The following CHD5 variants were observed in gnomAD, a reference collection of about 807,000 sequenced individuals.
CHD5 encodes chromodomain helicase DNA binding protein 5, also known as ATP-dependent chromatin remodeler CHD5.
CHD5 carries 69 observed loss-of-function variants against 230.3 expected under a neutral mutation model. That is an observed-to-expected ratio of 0.30 (90% confidence interval 0.25 to 0.37). The LOEUF is 0.37. Among genes scored for constraint, CHD5 ranks in the 10% least tolerant of loss-of-function variants. The pLI is 1.00. For missense variants in CHD5, 1,827 were observed against 2,622.8 expected (o/e 0.70, Z 6.63); for synonymous variants, 1,064 against 1,065.9 (o/e 1.00, Z 0.03).
rs954250027 is a variant in CHD5, at chr1:6,110,276, A to T, written c.5382+118T>A. 2.5e-6 allele frequency: 3 copies of T among 1,188,988 alleles called. No homozygotes were observed. In the African/African-American group the frequency reaches 4.5e-5, roughly 18 times the overall value. 73.7% of individuals were successfully genotyped at this position (1,188,988 alleles called of 1,614,324 possible). ...GATGGACATACTGCTGCTTCGTGGC[A>T]GCGTGACCCAGGTACACGGGGAGGG... On this transcript the variant is annotated intron_variant, in intron 37 of 41. Coordinates refer to ENST00000262450, the MANE Select transcript of CHD5 (RefSeq NM_015557.3).
rs762034562 is a variant in CHD5 at position 6,154,509 on chromosome 1, G to A, written c.745+151C>T. 8 of 598,780 alleles carry A rather than the reference G, an allele frequency of 1.3e-5. No individual in the cohort carries two copies. The highest frequency in any genetic ancestry group is 3.5e-5 in the South Asian group (1 of 28,280). The allele number at this position is 598,780 out of a possible 1,614,324, so 37.1% of individuals were successfully genotyped here. A position where few individuals can be genotyped will look rare whatever the true frequency, so the allele number is the denominator to read the frequency against. On this transcript the variant is annotated intron_variant, in intron 5 of 41. Transcript: ENST00000262450. This position sits in a 1 kb window ranked among gnomAD's most constrained non-coding sequence, Gnocchi z 7.0. ...GCTGCCTCACTGCTGAGAAAGGACCGGGCAATCCAAGGTCACACAGGCACA... is the reference window on the plus strand; with the variant it reads ...GCTGCCTCACTGCTGAGAAAGGACCAGGCAATCCAAGGTCACACAGGCACA...
intron 1 of CHD5, among the ~76,000 whole-genome samples, chr1:6,174,434 T>C (rs1167895042): frequency 1.3e-5 from 2 of 151,674 alleles, no homozygotes; most frequent in Admixed American, 1.3e-4. Flanking sequence ...GCATGGTGGA[T>C]GGATGGTGAA....
intron 38 of CHD5, among the ~76,000 whole-genome samples, chr1:6,107,672 A>G (rs1666211050): frequency 7.8e-6 from 1 of 128,170 alleles, no homozygotes; most frequent in Admixed American, 8.1e-5. Context: ...TGAAGGGATG[A>G]TGGAGGGATA....
rs146316835 is a variant in CHD5, at chr1:6,130,237, G to A, written c.3354C>T (p.Tyr1118=). 57 of 1,614,082 alleles carry A rather than the reference G, an allele frequency of 3.5e-5. No homozygotes were observed. Among genetic ancestry groups the A allele is most frequent in the African/African-American group, 2.0e-4 (15 of 75,038 alleles). The part of the protein sequence containing the change: ...NLATADTVII[Y]DSDWNPHNDI... Reference sequence around the variant, plus strand: ...CATTGTGCGGGTTCCAGTCCGAGTCGTAGATGATGACAGTGTCCGCCGTGG... The same window carrying A: ...CATTGTGCGGGTTCCAGTCCGAGTCATAGATGATGACAGTGTCCGCCGTGG... The change falls in exon 22 of 42, where the codon TAC becomes TAT. Residue 1118 remains tyrosine, a synonymous_variant. Transcript: ENST00000262450. This position sits in a 1 kb window ranked among gnomAD's most constrained non-coding sequence, Gnocchi z 4.9.
rs936800446 is a variant in CHD5 at position 6,146,579 on chromosome 1, C to T, written c.1590+86G>A. 20 of 1,455,214 alleles carry T rather than the reference C, an allele frequency of 1.4e-5. No individual in the cohort carries two copies. The highest frequency in any genetic ancestry group is 8.4e-5 in the African/African-American group (6 of 71,414). The allele number at this position is 1,455,214 out of a possible 1,614,324, so 90.1% of individuals were successfully genotyped here. On this transcript the variant is annotated intron_variant, in intron 10 of 41. Transcript: ENST00000262450. The surrounding 1 kb of genome is among the most constrained non-coding windows in gnomAD (Gnocchi z 5.1). ...CCCAACAGCACCCCTCAGTCAGAGG[C>T]GCTTCAGCCCCTTCCCGCCAGCCCA...
At chr1:6,106,807 G>T in intron 38 of CHD5, 28 bp from the exon 39 acceptor site, 1 of 1,425,610 alleles carries the variant, frequency 7.0e-7, no homozygotes, top group Non-Finnish European at 9.4e-7. Flanking sequence ...GGGATGGTAG[G>T]ATGCAGGGAT....
In CHD5 at chr1:6,136,713, G is replaced by A. The variant is rs777693875; in HGVS notation, c.2574+15C>T. The A allele has an allele frequency of 6.2e-7, 1 of 1,610,386 alleles. No individual in the cohort carries two copies. The highest frequency in any genetic ancestry group is 1.1e-5 in the South Asian group (1 of 90,924). ...CCCCGGGAAGCTCTGGGGTCTGGCGGCCAGCGCCACCTACCTTGGACTGGT... is the reference window on the plus strand; with the variant it reads ...CCCCGGGAAGCTCTGGGGTCTGGCGACCAGCGCCACCTACCTTGGACTGGT... On this transcript the variant is annotated intron_variant, in intron 16 of 41. Coordinates refer to ENST00000262450, the MANE Select transcript of CHD5 (RefSeq NM_015557.3).
At chr1:6,166,278 G>A (rs1464215022) in intron 2 of CHD5, among the ~76,000 whole-genome samples, 4 of 146,198 alleles carry the variant, frequency 2.7e-5, no homozygotes, top group Admixed American at 2.7e-4. Flanking sequence ...GGTGGGGGTC[G>A]GGGGCAGGGG....
At chr1:6,113,157 G>A (rs1184814792) in intron 33 of CHD5, among the ~76,000 whole-genome samples, 159 bp from the exon 34 acceptor site, 1 of 152,234 alleles carries the variant, frequency 6.6e-6, no homozygotes, top group Non-Finnish European at 1.5e-5. Context: ...AGGTGCAGTG[G>A]CCCATGCTGT....
rs1666874209 is a variant in CHD5 at position 6,144,134 on chromosome 1, C to T, written c.1824G>A (p.Val608=). ...LNHSFDKKGD[V]HYLIKWKDLP... Reference sequence around the variant, plus strand: ...GGTCTTTCCACTTGATCAGGTAGTGCACATCCCCCTTCTTGTCAAAGCTGC... The same window carrying T: ...GGTCTTTCCACTTGATCAGGTAGTGTACATCCCCCTTCTTGTCAAAGCTGC... The change falls in exon 12 of 42, where the codon GTG becomes GTA. Residue 608 remains valine (V), a synonymous_variant. Coordinates refer to ENST00000262450, the MANE Select transcript of CHD5 (RefSeq NM_015557.3). 13 of 1,614,202 alleles carry T rather than the reference C, an allele frequency of 8.1e-6. No homozygotes were observed. The highest frequency in any genetic ancestry group is 1.1e-5 in the Non-Finnish European group (13 of 1,180,036).
At chr1:6,120,745 A>G (rs1309597300) in intron 33 of CHD5, among the ~76,000 whole-genome samples, 1 of 152,142 alleles carries the variant, frequency 6.6e-6, no homozygotes, top group African/African-American at 2.4e-5. Context: ...TCTACTAAAA[A>G]TACAAAAATT....
intron 38 of CHD5, among the ~76,000 whole-genome samples, chr1:6,109,273 T>C (rs1052865440): frequency 1.3e-5 from 2 of 151,586 alleles, no homozygotes; most frequent in African/African-American, 2.4e-5. Flanking sequence ...CAGGGAGGGG[T>C]CCAGCAACTC....
rs117122185 is a variant in CHD5 at position 6,109,770 on chromosome 1, A to G, written c.5578+25T>C. The stretch of plus-strand genomic sequence containing the variant: ...GGCAGGAGGAAGGGCGGGGGGCTGC[A>G]CCGTGGGGGGCAGGACTTGCTCACC... On this transcript the variant is annotated intron_variant, in intron 38 of 41. Coordinates refer to ENST00000262450, the MANE Select transcript of CHD5 (RefSeq NM_015557.3). 1,233 of 1,600,260 alleles carry G rather than the reference A, an allele frequency of 7.7e-4. 10 individuals carry two copies. The East Asian group carries it at 0.023, about 30-fold the overall frequency.
Position 6,166,398 on chromosome 1 carries a change from G to GC in CHD5, c.207+1751dup, listed in dbSNP as rs1336726019. Among the ~76,000 whole-genome samples the GC allele has an allele frequency of 2.0e-5, 3 of 151,912 alleles. No homozygotes were observed. In the East Asian group the frequency reaches 5.8e-4, roughly 29 times the overall value. ...CCCAGGAGAGCCCAGGGCTGCAGAA[G>GC]CCCCACAAGGCAGGGGCTGGGAGAG... On this transcript the variant is annotated intron_variant, in intron 2 of 41. Transcript: ENST00000262450.
intron 33 of CHD5, among the ~76,000 whole-genome samples, chr1:6,119,863 TA>T (rs199516345): frequency 0.03 from 3,563 of 118,886 alleles, 125 homozygotes; most frequent in African/African-American, 0.11. Context: ...TATATATATA[TA>T]TTTTTTTTTT....
Position 6,175,681 on chromosome 1 carries a change from A to AATGGATGG in CHD5, c.79+4256_79+4263dup, listed in dbSNP as rs545057422. On this transcript the variant is annotated intron_variant, in intron 1 of 41. Transcript: ENST00000262450. ...ATAGTGGATAAGAAGAACAAGAACA[A>AATGGATGG]ATGGATGGATGGATGGATGGATGGA... 7.2e-3 allele frequency among the ~76,000 whole-genome samples: 1,060 copies of AATGGATGG among 147,768 alleles called. 7 individuals are homozygous for AATGGATGG. The highest frequency in any genetic ancestry group is 0.021 in the African/African-American group (852 of 39,990).
At position 6,167,221 on chromosome 1, in the gene CHD5, C is replaced by G. The variant is rs1468811354; in HGVS notation, c.207+929G>C. On this transcript the variant is annotated intron_variant, in intron 2 of 41. Coordinates refer to ENST00000262450, the MANE Select transcript of CHD5 (RefSeq NM_015557.3). The surrounding 1 kb of genome is among the most constrained non-coding windows in gnomAD (Gnocchi z 4.5). ...CGGGGCAGGTGGGAGGGGAGAAACA[C>G]TCCTGGCAGCGGTGGCTGGTGGAGC... Among the ~76,000 whole-genome samples the G allele has an allele frequency of 6.6e-6, 1 of 152,080 alleles. No homozygotes were observed. The highest frequency in any genetic ancestry group is 1.5e-5 in the Non-Finnish European group (1 of 68,044).
At chr1:6,112,364 G>C (rs1387108022) in intron 34 of CHD5, 87 bp from the exon 35 acceptor site, 7 of 1,521,532 alleles carry the variant, frequency 4.6e-6, no homozygotes, top group Non-Finnish European at 6.3e-6. Flanking sequence ...GGGGACCCAG[G>C]AGGCAAGTAG....
chr1:6,136,676 G>A, intron 16 of CHD5, 38 bp from the exon 17 acceptor site: 1 of 1,612,494 alleles, frequency 6.2e-7, no homozygotes, highest in Non-Finnish European at 8.5e-7. Flanking sequence ...GGGGGCTCTG[G>A]GCGGCCCCTC....
Sources: allele counts gnomAD v4.1 joint callset (sites outside exome capture counted in the v4.1 genomes callset), GRCh38; gene constraint gnomAD v4.1.1; non-coding constraint Gnocchi (gnomAD v3.1); transcripts MANE v1.5; gene names NCBI Gene and HGNC (gene_info 2026-07-23, HGNC 2026-07-21).